DLG2: variants seen among roughly 807,000 people sequenced by gnomAD.
The protein encoded by DLG2 is disks large homolog 2.
A neutral mutation model predicts 132.5 loss-of-function variants in DLG2; 45 were observed. The ratio of observed to expected loss-of-function variants is 0.34; its 90% CI spans 0.27 to 0.44. The LOEUF (loss-of-function observed/expected upper bound fraction) is 0.44. Ranked by LOEUF, DLG2 falls within the 20% of genes least tolerant of loss-of-function variation. DLG2 has a pLI of 1.00. For missense variants in DLG2, 1,045 were observed against 1,196.9 expected (o/e 0.87, Z 1.87); for synonymous variants, 424 against 419.6 (o/e 1.01, Z -0.13).
At chr11:84,215,594 G>A (rs779926942) in intron 8 of DLG2, among the ~76,000 whole-genome samples, 8 of 152,144 alleles carry the variant, frequency 5.3e-5, no homozygotes, top group Non-Finnish European at 1.0e-4. Flanking sequence ...GCTAGGAAAT[G>A]TAGTGTCCCA....
intron 15 of DLG2, among the ~76,000 whole-genome samples, chr11:83,900,962 A>G (rs1376975853): frequency 6.6e-6 from 1 of 152,210 alleles, no homozygotes; most frequent in Non-Finnish European, 1.5e-5. Flanking sequence ...TCTCAAGACC[A>G]TAGGAACCCA....
chr11:84,485,234 C>T (rs1226006671), intron 7 of DLG2, among the ~76,000 whole-genome samples: 1 of 152,114 alleles, frequency 6.6e-6, no homozygotes, highest in African/African-American at 2.4e-5. Context: ...CTCTATGGTA[C>T]TTAGTTTGAT....
chr11:85,205,074 AAACT>A (rs983914371), intron 4 of DLG2, among the ~76,000 whole-genome samples: 8 of 151,316 alleles, frequency 5.3e-5, no homozygotes, highest in South Asian at 2.1e-4. Flanking sequence ...TAAAACTATA[AAACT>A]AACAAACTAA....
At chr11:85,105,586 C>G (rs1594255955) in intron 6 of DLG2, among the ~76,000 whole-genome samples, 1 of 151,876 alleles carries the variant, frequency 6.6e-6, no homozygotes, top group African/African-American at 2.4e-5. Flanking sequence ...ACCCGTATGG[C>G]CAAATGTACT....
intron 9 of DLG2, among the ~76,000 whole-genome samples, chr11:84,115,066 C>G (rs1202463088): frequency 6.6e-6 from 1 of 152,042 alleles, no homozygotes; most frequent in Non-Finnish European, 1.5e-5. Flanking sequence ...AATGCAAGGC[C>G]CATTGGCAGT....
intron 18 of DLG2, among the ~76,000 whole-genome samples, chr11:83,640,514 C>G (rs1406651350): frequency 2.0e-5 from 3 of 152,156 alleles, no homozygotes; most frequent in Non-Finnish European, 4.4e-5. Context: ...TAAATGTTTC[C>G]ATTTCTTTGG....
intron 22 of DLG2, 100 bp from the exon 23 acceptor site, chr11:83,472,877 A>G (rs2092235714): frequency 1.0e-6 from 1 of 975,348 alleles, no homozygotes; most frequent in East Asian, 2.4e-5. Flanking sequence ...GCTCAGAGTT[A>G]ATTCTCCTTG....
At chr11:84,395,306 T>C (rs996597411) in intron 7 of DLG2, among the ~76,000 whole-genome samples, 1 of 152,204 alleles carries the variant, frequency 6.6e-6, no homozygotes, top group Non-Finnish European at 1.5e-5. Context: ...TCTTTGTGGG[T>C]TGATTTCAAA....
intron 4 of DLG2, among the ~76,000 whole-genome samples, chr11:85,255,243 T>C (rs1167355959): frequency 1.3e-5 from 2 of 152,176 alleles, no homozygotes; most frequent in Non-Finnish European, 2.9e-5. Flanking sequence ...TCCACTGATA[T>C]CACACTACTA....
At chr11:84,478,856 G>A (rs936766809) in intron 7 of DLG2, among the ~76,000 whole-genome samples, 8 of 151,986 alleles carry the variant, frequency 5.3e-5, no homozygotes, top group Non-Finnish European at 7.4e-5. Context: ...AATCTTTGAC[G>A]TATAAAAGAT....
intron 7 of DLG2, among the ~76,000 whole-genome samples, chr11:84,439,239 C>G (rs2099010258): frequency 6.6e-6 from 1 of 152,194 alleles, no homozygotes; most frequent in Non-Finnish European, 1.5e-5. Context: ...TTCGATGTGC[C>G]TCATCTGTAA....
rs1488213193 is a variant in DLG2, at chr11:83,770,312, C to T, written c.1825+16378G>A. On this transcript the variant is annotated intron_variant, in intron 18 of 27. Transcript: ENST00000376104. ...GATTAGTTTCAATGTAGTCTATAGCCTCCTTTGTAAACCAGTTAAAAAGTT... is the reference window on the plus strand; with the variant it reads ...GATTAGTTTCAATGTAGTCTATAGCTTCCTTTGTAAACCAGTTAAAAAGTT... Among the ~76,000 whole-genome samples the T allele has an allele frequency of 2.8e-5, 4 of 143,802 alleles. No homozygotes were observed. The Admixed American group carries it at 2.8e-4, about 10-fold the overall frequency. The allele number at this position is 143,802 out of a possible 152,430, so 94.3% of individuals were successfully genotyped here. A position where few individuals can be genotyped will look rare whatever the true frequency, so the allele number is the denominator to read the frequency against.
rs200856866 is a variant in DLG2, at chr11:85,570,129, GT to G, written c.40+28527del. On this transcript the variant is annotated intron_variant, in intron 3 of 27. Transcript: ENST00000376104. ...CTGTATCTAAAATAAAAGTTAAAAT[GT>G]TTTTTAAAAAAACAAATTTTGAAAA... Among the ~76,000 whole-genome samples, 1,054 of 152,018 alleles carry G rather than the reference GT, an allele frequency of 6.9e-3. 13 individuals carry two copies. The highest frequency in any genetic ancestry group is 0.025 in the African/African-American group (1,026 of 41,472).
intron 3 of DLG2, among the ~76,000 whole-genome samples, chr11:85,529,434 C>T (rs889770210): frequency 6.6e-5 from 10 of 152,046 alleles, no homozygotes; most frequent in African/African-American, 2.4e-4. Context: ...TAAATCCATC[C>T]TAGAAATATC....
Position 84,704,789 on chromosome 11 carries a change from G to T in DLG2, c.358-170058C>A, listed in dbSNP as rs944714694. The stretch of plus-strand genomic sequence containing the variant: ...CACTGACATTTCCCACTTCTTGATT[G>T]GTTCTTCTAGACAGAAACCCTGATT... On this transcript the variant is annotated intron_variant, in intron 6 of 27. Transcript: ENST00000376104. Among the ~76,000 whole-genome samples, 17 of 150,568 alleles carry T rather than the reference G, an allele frequency of 1.1e-4. 1 individual carries two copies. The highest frequency in any genetic ancestry group is 4.1e-4 in the African/African-American group (17 of 41,074).
In DLG2 at chr11:83,901,446, T is replaced by A. The variant is rs557283041; in HGVS notation, c.1497-26958A>T. 1.4e-3 allele frequency among the ~76,000 whole-genome samples: 206 copies of A among 152,226 alleles called. 2 individuals carry two copies. The highest frequency in any genetic ancestry group is 3.4e-3 in the Middle Eastern group (1 of 294). On this transcript the variant is annotated intron_variant, in intron 15 of 27. Transcript: ENST00000376104. ...GTCCCAGTGGAAGAGAATTGAATCA[T>A]GGGGGTGGGTCTTTCCTGTGCTGTT...
chr11:83,825,296 C>T (rs1397043768), intron 17 of DLG2, among the ~76,000 whole-genome samples: 1 of 150,724 alleles, frequency 6.6e-6, no homozygotes, highest in East Asian at 2.0e-4. Flanking sequence ...ATTCTCCTGC[C>T]TCAGCATCCT....
chr11:83,992,695 T>C (rs556080903), intron 11 of DLG2, among the ~76,000 whole-genome samples: 7 of 152,166 alleles, frequency 4.6e-5, no homozygotes, highest in Non-Finnish European at 8.8e-5. Context: ...TCAAGAAATA[T>C]CCAAGTATCC....
intron 9 of DLG2, among the ~76,000 whole-genome samples, chr11:84,121,939 A>T (rs968281919): frequency 6.6e-6 from 1 of 152,150 alleles, no homozygotes; most frequent in Non-Finnish European, 1.5e-5. Flanking sequence ...ATAGAGATAG[A>T]GTAGGACTTA....
Sources: allele counts gnomAD v4.1 joint callset (sites outside exome capture counted in the v4.1 genomes callset), GRCh38; gene constraint gnomAD v4.1.1; transcripts MANE v1.5; gene names NCBI Gene and HGNC (gene_info 2026-07-23, HGNC 2026-07-21).